The following RARB variants were observed in gnomAD, a reference collection of about 807,000 sequenced individuals.
RARB encodes the protein HBV-activated protein.
In RARB, 17 loss-of-function variants were observed where a neutral mutation model predicts 51.9. The observed-to-expected ratio is 0.33, with a 90% confidence interval of 0.22 to 0.49. RARB has a LOEUF of 0.49. Among genes scored for constraint, RARB ranks in the 20% least tolerant of loss-of-function variants. The probability of loss-of-function intolerance (pLI) is 0.99; values close to 1 mark genes in which losing one functional copy is unlikely to be tolerated. For synonymous variants in RARB, 215 were observed against 195.4 expected, an observed-to-expected ratio of 1.10 and a Z score of -0.84; for missense variants, 369 against 550.8, an observed-to-expected ratio of 0.67 and a Z score of 3.30.
intron 3 of RARB, among the ~76,000 whole-genome samples, chr3:25,067,284 G>A (rs1347343865): frequency 6.6e-6 from 1 of 152,116 alleles, no homozygotes; most frequent in African/African-American, 2.4e-5. Flanking sequence ...CAACCTTAAT[G>A]AAATCACGTT....
chr3:25,026,081 T>C (rs1028323900), intron 2 of RARB, among the ~76,000 whole-genome samples: 1 of 152,100 alleles, frequency 6.6e-6, no homozygotes, highest in Non-Finnish European at 1.5e-5. Context: ...TTTTCATGAG[T>C]GCTCTTGCTC....
chr3:24,897,267 A>G (rs1703496588), intron 2 of RARB, among the ~76,000 whole-genome samples: 1 of 152,122 alleles, frequency 6.6e-6, no homozygotes, highest in Non-Finnish European at 1.5e-5. Context: ...TTGCCGAAAA[A>G]CCTAATAGTA....
intron 2 of RARB, among the ~76,000 whole-genome samples, chr3:25,048,974 G>C (rs980650388): frequency 6.6e-6 from 1 of 151,984 alleles, no homozygotes; most frequent in Non-Finnish European, 1.5e-5. Flanking sequence ...GGATGGTCTC[G>C]ATCTCCTGAC....
At chr3:24,848,415 G>A (rs894657433) in intron 1 of RARB, among the ~76,000 whole-genome samples, 7 of 152,060 alleles carry the variant, frequency 4.6e-5, no homozygotes, top group African/African-American at 1.2e-4. Flanking sequence ...CTTTTTAACT[G>A]TTTTTTTAAA....
chr3:25,097,708 T>A (rs1038407761), intron 3 of RARB, among the ~76,000 whole-genome samples: 2 of 152,186 alleles, frequency 1.3e-5, no homozygotes, highest in Non-Finnish European at 2.9e-5. Context: ...TTCCTGGACA[T>A]GTCCCAGACC....
chr3:24,913,313 T>A (rs1432642957), intron 2 of RARB, among the ~76,000 whole-genome samples: 1 of 151,880 alleles, frequency 6.6e-6, no homozygotes, highest in East Asian at 1.9e-4. Context: ...CAGAGGGTTT[T>A]CCCACTGAGA....
At chr3:25,544,025 G>A (rs1392649789) in intron 3 of RARB, among the ~76,000 whole-genome samples, 2 of 152,152 alleles carry the variant, frequency 1.3e-5, no homozygotes, top group Non-Finnish European at 2.9e-5. Flanking sequence ...GGGTAATAAA[G>A]GACTGACGGG....
intron 5 of RARB, among the ~76,000 whole-genome samples, chr3:25,582,507 C>A (rs1701217902): frequency 6.6e-6 from 1 of 151,904 alleles, no homozygotes; most frequent in Admixed American, 6.6e-5. Context: ...GTCTAGTTGC[C>A]AGATGATGAC....
chr3:25,010,216 T>C (rs188449412), intron 2 of RARB, among the ~76,000 whole-genome samples: 1,545 of 152,242 alleles, frequency 0.01, 17 homozygotes, highest in Non-Finnish European at 0.015. Context: ...CATCAGATTT[T>C]GTATCTTAAA....
chr3:25,235,647 A>G (rs1025133746), intron 5 of RARB, among the ~76,000 whole-genome samples: 3 of 152,186 alleles, frequency 2.0e-5, no homozygotes, highest in African/African-American at 7.2e-5. Flanking sequence ...TCATGTGGTT[A>G]ACTGCTTTTC....
intron 5 of RARB, among the ~76,000 whole-genome samples, chr3:25,402,966 C>A (rs1000783058): frequency 1.3e-5 from 2 of 152,102 alleles, no homozygotes; most frequent in Non-Finnish European, 2.9e-5. Flanking sequence ...AGTTCGAGAC[C>A]AGCCTGGCCA....
chr3:24,871,431 C>T (rs1260003859), intron 2 of RARB, among the ~76,000 whole-genome samples: 1 of 152,148 alleles, frequency 6.6e-6, no homozygotes, highest in Non-Finnish European at 1.5e-5. Context: ...GCTTTTAGGG[C>T]ATTCCCTCGC....
At chr3:25,024,234 T>G (rs897710882) in intron 2 of RARB, among the ~76,000 whole-genome samples, 4 of 152,228 alleles carry the variant, frequency 2.6e-5, no homozygotes, top group Non-Finnish European at 5.9e-5. Flanking sequence ...AGATCTGTCT[T>G]TTCTAATTTT....
chr3:25,479,064 G>T (rs1368261), intron 2 of RARB, among the ~76,000 whole-genome samples: 3,734 of 152,196 alleles, frequency 0.025, 140 homozygotes, highest in African/African-American at 0.086. Flanking sequence ...TACCCTCTGG[G>T]AAGGGAGAAA....
chr3:24,983,537 C>A (rs1294643453), intron 2 of RARB, among the ~76,000 whole-genome samples: 1 of 152,050 alleles, frequency 6.6e-6, no homozygotes, highest in East Asian at 1.9e-4. Flanking sequence ...TCCCCTTGCC[C>A]CCTACCCCCT....
chr3:25,124,939 A>C (rs147603108), intron 3 of RARB, among the ~76,000 whole-genome samples: 122 of 152,334 alleles, frequency 8.0e-4, no homozygotes, highest in African/African-American at 2.8e-3. Flanking sequence ...ATATAGAAGA[A>C]GGCAAGTGAT....
At chr3:25,003,303 C>T (rs1697205781) in intron 2 of RARB, among the ~76,000 whole-genome samples, 1 of 151,970 alleles carries the variant, frequency 6.6e-6, no homozygotes, top group Non-Finnish European at 1.5e-5. Context: ...AAGGAAACAT[C>T]AGACCAGCTT....
intron 3 of RARB, among the ~76,000 whole-genome samples, chr3:25,068,097 G>A (rs1320706605): frequency 8.4e-6 from 1 of 118,352 alleles, no homozygotes; most frequent in Non-Finnish European, 1.6e-5. Context: ...TTGCACCATC[G>A]CACTTCAGCC....
At chr3:24,917,932 A>G (rs1197504631) in intron 2 of RARB, among the ~76,000 whole-genome samples, 1 of 152,210 alleles carries the variant, frequency 6.6e-6, no homozygotes, top group Non-Finnish European at 1.5e-5. Flanking sequence ...GTAATCTGGA[A>G]CCCTCATACA....
Sources: gnomAD v4.1 joint callset for allele counts (sites outside exome capture counted in the v4.1 genomes callset) on GRCh38, gnomAD v4.1.1 for gene constraint, MANE v1.5 for transcripts, NCBI Gene and HGNC (gene_info 2026-07-23, HGNC 2026-07-21) for gene names.